PYCR1: variants seen among roughly 807,000 people sequenced by gnomAD.
PYCR1 encodes pyrroline-5-carboxylate reductase 1, mitochondrial.
Under a neutral mutation model 22.9 loss-of-function variants are expected in PYCR1, and 19 were observed. The observed-to-expected ratio is 0.83, with a 90% CI of 0.58 to 1.22. PYCR1 has a LOEUF of 1.22. Among genes scored for constraint, PYCR1 ranks in the 50% most tolerant of loss-of-function variants. PYCR1 has a pLI of 0.00. For synonymous variants in PYCR1, 175 were observed against 180.5 expected, an observed-to-expected ratio of 0.97 and a Z score of 0.24; for missense variants, 429 against 431.3, an observed-to-expected ratio of 0.99 and a Z score of 0.05.
chr17:81,934,544 A>ACTGC, intron 5 of PYCR1, 55 bp from the exon 6 acceptor site: 1 of 1,557,986 alleles, frequency 6.4e-7, no homozygotes. Flanking sequence ...TCTGCGGGGC[A>ACTGC]CTGCCCCAGC....
intron 1 of PYCR1, 113 bp from the exon 2 acceptor site, chr17:81,936,306 A>G (rs2041190660): frequency 2.0e-6 from 2 of 1,022,606 alleles, no homozygotes; most frequent in Admixed American, 2.1e-5. Context: ...GCTCACTGCA[A>G]GCTCCACCTC....
At chr17:81,936,326 C>T (rs911330518) in intron 1 of PYCR1, 133 bp from the exon 2 acceptor site, 11 of 818,856 alleles carry the variant, frequency 1.3e-5, no homozygotes, top group Non-Finnish European at 1.9e-5. Context: ...CCCGGGTTCA[C>T]GCCATGCTCC....
Position 81,934,423 on chromosome 17 carries a change from G to T in PYCR1, c.700C>A (p.Pro234Thr), listed in dbSNP as rs1598354035. The change falls in exon 6 of 7, where the codon CCT (proline) becomes ACT (threonine). Residue 234 changes from proline (P) to threonine (T), a missense_variant. By Grantham distance (38) the Pro-to-Thr change is conservative. Transcript: ENST00000329875. ...AAGGCATGGATGGTGGCCCCACCAG[G>T]AGAGCTGACGTTGTCCTTGAGCTGG... ...PGQLKDNVSS[P>T]GGATIHALHV... 7 of 1,611,496 alleles carry T rather than the reference G, an allele frequency of 4.3e-6. No individual in the cohort carries two copies. In the East Asian group the frequency reaches 1.6e-4, roughly 36 times the overall value.
intron 2 of PYCR1, 50 bp from the exon 3 acceptor site, chr17:81,935,566 C>T (rs772145923): frequency 6.5e-7 from 1 of 1,532,778 alleles, no homozygotes; most frequent in South Asian, 1.2e-5. Flanking sequence ...TGTCTGTACC[C>T]CCACCAAGCC....
intron 2 of PYCR1, 52 bp downstream of exon 2, chr17:81,936,070 AC>A: frequency 6.3e-7 from 1 of 1,595,298 alleles, no homozygotes; most frequent in Non-Finnish European, 8.6e-7. Flanking sequence ...CCTGCCTCTC[AC>A]ACCCAGCCCC....
In PYCR1 at chr17:81,934,468, G is replaced by T. The variant is rs767636677; in HGVS notation, c.655C>A (p.His219Asn). ...ALLGAAKMLL[H>N]SEQHPGQLKD... ...AGCTGGCCTGGGTGCTGTTCTGAGT[G>T]CAGCAGCATCTTGGCAGCCCCCTGC... Residue 219 changes from histidine to asparagine, a missense_variant, in exon 6 of 7, where the codon CAC (histidine) becomes AAC (asparagine). Transcript: ENST00000329875. The T allele has an allele frequency of 8.7e-6, 14 of 1,607,952 alleles. No individual in the cohort carries two copies. The highest frequency in any genetic ancestry group is 1.1e-5 in the Non-Finnish European group (13 of 1,178,244).
chr17:81,934,962 A>C lies in PYCR1; in HGVS notation c.504T>G (p.Asp168Glu), dbSNP rs1263385226. Reference sequence around the variant, plus strand: ...CGCTGCCACTGAGCCCCGTGACGGCATCAATCAGGTCCTCTTCCACCTCCG... The same window carrying C: ...CGCTGCCACTGAGCCCCGTGACGGCCTCAATCAGGTCCTCTTCCACCTCCG... ...FCTEVEEDLI[D>E]AVTGLSGSGP... Residue 168 changes from aspartate (D) to glutamate (E), a missense_variant, in exon 4 of 7, where the codon GAT (aspartate) becomes GAG (glutamate). Asp to Glu is a conservative substitution (Grantham distance 45, BLOSUM62 2). Transcript: ENST00000329875. 6.2e-7 allele frequency: 1 copy of C among 1,609,580 alleles called. No homozygotes were observed. The highest frequency in any genetic ancestry group is 1.1e-5 in the South Asian group (1 of 91,000).
rs1316733633 is a variant in PYCR1 at position 81,934,634 on chromosome 17, G to T, written c.633+19C>A. 6.4e-7 allele frequency: 1 copy of T among 1,555,672 alleles called. No individual in the cohort carries two copies. The highest frequency in any genetic ancestry group is 8.7e-7 in the Non-Finnish European group (1 of 1,149,566). On this transcript the variant is annotated intron_variant, in intron 5 of 6. Transcript: ENST00000329875. The stretch of plus-strand genomic sequence containing the variant: ...CCCGCAAAGAGTGGCCCCACCAGAG[G>T]GTCAGGAAACACACTGACCAGGAGG...
Position 81,933,046 on chromosome 17 carries a change from C to G in PYCR1, c.*168G>C. 2 of 1,577,844 alleles carry G rather than the reference C, an allele frequency of 1.3e-6. No individual in the cohort carries two copies. The highest frequency in any genetic ancestry group is 1.7e-6 in the Non-Finnish European group (2 of 1,166,536). On this transcript the variant is annotated 3_prime_UTR_variant, in exon 7 of 7. Coordinates refer to ENST00000329875, the MANE Select transcript of PYCR1 (RefSeq NM_006907.4). ...TTCTGGGCTGGGAAGCACTTGCAGA[C>G]CACAGAGATTTCCAGTGGGAAGTGA...
At position 81,932,774 on chromosome 17, in the gene PYCR1, G is replaced by T; in HGVS notation, c.*440C>A. Reference sequence around the variant, plus strand: ...CTGGACCCTCTGGCCCTTCTCACACGGGAAGGAGAGGTTTCTCCCTGAATG... The same window carrying T: ...CTGGACCCTCTGGCCCTTCTCACACTGGAAGGAGAGGTTTCTCCCTGAATG... On this transcript the variant is annotated 3_prime_UTR_variant, in exon 7 of 7. Coordinates refer to ENST00000329875, the MANE Select transcript of PYCR1 (RefSeq NM_006907.4). The T allele has an allele frequency of 2.1e-6, 3 of 1,454,200 alleles. No homozygotes were observed. Among genetic ancestry groups the T allele is most frequent in the Non-Finnish European group, 2.8e-6 (3 of 1,073,066 alleles). 90.1% of individuals were successfully genotyped at this position (1,454,200 alleles called of 1,614,324 possible). A position where few individuals can be genotyped will look rare whatever the true frequency, so the allele number is the denominator to read the frequency against.
In PYCR1 at chr17:81,934,344, G is replaced by A; in HGVS notation, c.779C>T (p.Ala260Val). ...FRSLLINAVE[A>V]SCIRTRELQS... The stretch of plus-strand genomic sequence containing the variant: ...GGCCCACCGTGTGCGGATGCAGGAG[G>A]CCTCCACAGCGTTGATGAGCAGGGA... The change falls in exon 6 of 7, where the codon GCC becomes GTC. Residue 260 changes from alanine to valine, a missense_variant. Physicochemically the swap from Ala to Val is moderately conservative, Grantham distance 64. Transcript: ENST00000329875. 1 of 1,612,926 alleles carries A rather than the reference G, an allele frequency of 6.2e-7. No individual in the cohort carries two copies. The highest frequency in any genetic ancestry group is 8.5e-7 in the Non-Finnish European group (1 of 1,179,954).
chr17:81,935,630 G>T, intron 2 of PYCR1, 114 bp from the exon 3 acceptor site: 2 of 814,710 alleles, frequency 2.5e-6, no homozygotes, highest in Non-Finnish European at 3.9e-6. Flanking sequence ...GGGTGGGCAG[G>T]GCTGGGGGCT....
At chr17:81,936,560 C>T (rs1598358092) in intron 1 of PYCR1, among the ~76,000 whole-genome samples, 188 bp downstream of exon 1, 1 of 152,224 alleles carries the variant, frequency 6.6e-6, no homozygotes, top group Admixed American at 6.5e-5. Context: ...CTTTGGCTTC[C>T]CTCCCTCCCC....
rs747610539 is a variant in PYCR1, at chr17:81,935,352, G to C, written c.303C>G (p.Ile101Met). 3.1e-6 allele frequency: 5 copies of C among 1,612,442 alleles called. No homozygotes were observed. The highest frequency in any genetic ancestry group is 4.2e-6 in the Non-Finnish European group (5 of 1,180,014). ...IVVSCAAGVTISSIEKKLSAF... is the reference protein window; with the variant it reads ...IVVSCAAGVTMSSIEKKLSAF... ...GCGGTGCTACCTTCTCAATGGAGCT[G>C]ATGGTGACGCCGGCCGCGCAGGACA... The change falls in exon 3 of 7, where the codon ATC becomes ATG. Residue 101 changes from isoleucine (I) to methionine (M), a missense_variant. Ile to Met is a conservative substitution (Grantham distance 10). Coordinates refer to ENST00000329875, the MANE Select transcript of PYCR1 (RefSeq NM_006907.4).
Position 81,932,732 on chromosome 17 carries a change from C to G in PYCR1, c.*482G>C, listed in dbSNP as rs570757755. On this transcript the variant is annotated 3_prime_UTR_variant, in exon 7 of 7. Transcript: ENST00000329875. ...AGCCAAGAGGGGCTGTGGCCCTTCACGCTGGACTTGGGATGCCTGGACCCT... is the reference window on the plus strand; with the variant it reads ...AGCCAAGAGGGGCTGTGGCCCTTCAGGCTGGACTTGGGATGCCTGGACCCT... The G allele has an allele frequency of 3.8e-5, 45 of 1,195,332 alleles. No homozygotes were observed. The highest frequency in any genetic ancestry group is 5.3e-5 in the Non-Finnish European group (45 of 846,682). 74.0% of individuals were successfully genotyped at this position (1,195,332 alleles called of 1,614,324 possible). A position where few individuals can be genotyped will look rare whatever the true frequency, so the allele number is the denominator to read the frequency against.
At chr17:81,934,287 G>A (rs760332633) in intron 6 of PYCR1, 39 bp downstream of exon 6, 2 of 1,610,640 alleles carry the variant, frequency 1.2e-6, no homozygotes, top group South Asian at 2.2e-5. Flanking sequence ...TGCCATGCAA[G>A]GACTGGAGAC....
chr17:81,934,569 C>T, intron 5 of PYCR1, 80 bp from the exon 6 acceptor site: 1 of 1,554,570 alleles, frequency 6.4e-7, no homozygotes, highest in Non-Finnish European at 8.7e-7. Flanking sequence ...GTAGCACACA[C>T]TGACGCCCCA....
rs2041035140 is a variant in PYCR1 at position 81,933,134 on chromosome 17, G to T, written c.*80C>A. ...GCGCTGATCAGAGCCACAGAAAGTG[G>T]GCCACTTTGGGGACCCCCTAGTCCC... On this transcript the variant is annotated 3_prime_UTR_variant, in exon 7 of 7. Transcript: ENST00000329875. The T allele has an allele frequency of 6.2e-7, 1 of 1,606,458 alleles. No individual in the cohort carries two copies. Among genetic ancestry groups the T allele is most frequent in the Non-Finnish European group, 8.5e-7 (1 of 1,179,072 alleles).
chr17:81,936,618 C>T, intron 1 of PYCR1, 130 bp downstream of exon 1: 1 of 1,015,108 alleles, frequency 9.9e-7, no homozygotes, highest in Non-Finnish European at 1.5e-6. Context: ...CCCAAACACA[C>T]AGAAGTTGCC....
Sources: allele counts gnomAD v4.1 joint callset (sites outside exome capture counted in the v4.1 genomes callset), GRCh38; gene constraint gnomAD v4.1.1; transcripts MANE v1.5; gene names NCBI Gene and HGNC (gene_info 2026-07-23, HGNC 2026-07-21).